The following PDE4D variants were observed in gnomAD, a reference collection of about 807,000 sequenced individuals.
PDE4D encodes phosphodiesterase 4D.
Under a neutral mutation model 87.4 loss-of-function variants are expected in PDE4D, and 24 were observed. The ratio of observed to expected loss-of-function variants is 0.27; its 90% CI spans 0.20 to 0.39. The LOEUF is 0.39. Ranked by LOEUF, PDE4D falls within the 10% of genes least tolerant of loss-of-function variation. The probability of loss-of-function intolerance (pLI) is 1.00; values close to 1 mark genes in which losing one functional copy is unlikely to be tolerated. For missense variants in PDE4D, 714 were observed against 1,041.0 expected, an observed-to-expected ratio of 0.69 and a Z score of 4.32; for synonymous variants, 384 against 383.2, an observed-to-expected ratio of 1.00 and a Z score of -0.02.
chr5:60,048,768 AC>A (rs1295760683), intron 2 of PDE4D, among the ~76,000 whole-genome samples: 1 of 151,968 alleles, frequency 6.6e-6, no homozygotes, highest in Non-Finnish European at 1.5e-5. Flanking sequence ...TTTGAGGGTA[AC>A]CCGACCTTTC....
At chr5:59,320,385 A>G (rs1774500776) in intron 1 of PDE4D, among the ~76,000 whole-genome samples, 1 of 152,096 alleles carries the variant, frequency 6.6e-6, no homozygotes, top group Admixed American at 6.6e-5. Flanking sequence ...AAGATATATA[A>G]TAACTATGTT....
At chr5:60,518,982 A>G (rs191110961) in intron 1 of PDE4D, among the ~76,000 whole-genome samples, 1 of 152,336 alleles carries the variant, frequency 6.6e-6, no homozygotes, top group African/African-American at 2.4e-5. Context: ...GCCCAGTGAA[A>G]TACCCATTCC....
intron 1 of PDE4D, among the ~76,000 whole-genome samples, chr5:59,334,121 T>C (rs1777215616): frequency 6.6e-6 from 1 of 152,040 alleles, no homozygotes; most frequent in Non-Finnish European, 1.5e-5. Context: ...CTCTGAGTGT[T>C]TTTAAATTTA....
chr5:59,432,025 G>A (rs1796181482), intron 1 of PDE4D, among the ~76,000 whole-genome samples: 1 of 151,800 alleles, frequency 6.6e-6, no homozygotes, highest in Admixed American at 6.6e-5. Context: ...TATATTTTAG[G>A]TTTCAATTAC....
intron 5 of PDE4D, among the ~76,000 whole-genome samples, chr5:59,134,305 C>T (rs7729776): frequency 0.01 from 1,564 of 151,304 alleles, 25 homozygotes; most frequent in African/African-American, 0.036. Context: ...GTAGTGGAAG[C>T]TCTTAAGACC....
intron 1 of PDE4D, among the ~76,000 whole-genome samples, chr5:59,472,490 C>T (rs1375235665): frequency 4.6e-5 from 7 of 152,170 alleles, no homozygotes; most frequent in African/African-American, 1.7e-4. Flanking sequence ...ACTTGCCTGG[C>T]AAGTAGCTTT....
chr5:60,052,028 C>A (rs566254946), intron 2 of PDE4D, among the ~76,000 whole-genome samples: 2 of 152,168 alleles, frequency 1.3e-5, no homozygotes, highest in South Asian at 4.1e-4. Flanking sequence ...ATACAAAGTT[C>A]TGAATTGAGG....
At chr5:59,476,187 C>G (rs1322059005) in intron 1 of PDE4D, among the ~76,000 whole-genome samples, 1 of 151,888 alleles carries the variant, frequency 6.6e-6, no homozygotes, top group Non-Finnish European at 1.5e-5. Context: ...GGAAAAGCAG[C>G]ACTCTCACCA....
At chr5:59,896,999 A>G (rs528581375), upstream of PDE4D, among the ~76,000 whole-genome samples, 13 of 152,284 alleles carry the variant, frequency 8.5e-5, no homozygotes, top group South Asian at 1.7e-3. Context: ...AGTTGACCAT[A>G]GATTTTGGAG....
intron 1 of PDE4D, among the ~76,000 whole-genome samples, chr5:60,498,039 G>A (rs576089341): frequency 3.0e-4 from 45 of 152,194 alleles, no homozygotes; most frequent in African/African-American, 9.4e-4. Context: ...TTGTTTAGCC[G>A]AAAAGAAACA....
chr5:59,049,440 G>A lies in PDE4D; in HGVS notation c.809-10469C>T, dbSNP rs373736218. Reference sequence around the variant, plus strand: ...TTCTCTTTTTTTAAAAGAGTATTAGGAACTAACATTGCCAAAATTTGGTAA... The same window carrying A: ...TTCTCTTTTTTTAAAAGAGTATTAGAAACTAACATTGCCAAAATTTGGTAA... On this transcript the variant is annotated intron_variant, in intron 5 of 14. Transcript: ENST00000340635. Among the ~76,000 whole-genome samples, 3 of 152,072 alleles carry A rather than the reference G, an allele frequency of 2.0e-5. No homozygotes were observed. The South Asian group carries it at 6.2e-4, about 32-fold the overall frequency.
intron 1 of PDE4D, among the ~76,000 whole-genome samples, chr5:60,505,175 AT>A (rs1235903178): frequency 2.0e-5 from 3 of 152,210 alleles, no homozygotes; most frequent in Admixed American, 2.0e-4. Context: ...TTTTCACAAT[AT>A]TTCCAAAGGT....
intron 2 of PDE4D, among the ~76,000 whole-genome samples, chr5:60,173,399 A>G (rs1472381395): frequency 3.3e-5 from 5 of 152,142 alleles, no homozygotes. Flanking sequence ...GCAATTCTAA[A>G]TTATTATTGT....
At chr5:59,642,154 G>C (rs1395911652) in intron 1 of PDE4D, among the ~76,000 whole-genome samples, 1 of 151,992 alleles carries the variant, frequency 6.6e-6, no homozygotes, top group East Asian at 1.9e-4. Flanking sequence ...ATAATCCACT[G>C]TGTTTTTCAG....
intron 1 of PDE4D, among the ~76,000 whole-genome samples, chr5:59,795,561 C>CTA (rs1018902830): frequency 1.3e-5 from 2 of 152,106 alleles, no homozygotes; most frequent in Admixed American, 6.6e-5. Context: ...TATGTTACTT[C>CTA]TATATATATA....
At chr5:59,620,574 G>A (rs1162284287) in intron 1 of PDE4D, among the ~76,000 whole-genome samples, 1 of 152,120 alleles carries the variant, frequency 6.6e-6, no homozygotes, top group African/African-American at 2.4e-5. Context: ...AAGATCAGTG[G>A]ATATAAGGAA....
At chr5:60,151,930 G>A (rs1781544855) in intron 2 of PDE4D, among the ~76,000 whole-genome samples, 1 of 152,124 alleles carries the variant, frequency 6.6e-6, no homozygotes, top group Admixed American at 6.5e-5. Context: ...TATACCTAAT[G>A]TATTTTAGAG....
intron 2 of PDE4D, among the ~76,000 whole-genome samples, chr5:60,147,394 A>G (rs887347941): frequency 7.2e-5 from 11 of 152,156 alleles, no homozygotes; most frequent in African/African-American, 2.7e-4. Flanking sequence ...TGCATTCATT[A>G]TTTACCAACA....
intron 1 of PDE4D, among the ~76,000 whole-genome samples, chr5:59,261,558 T>C (rs1335790539): frequency 1.3e-5 from 2 of 151,892 alleles, no homozygotes; most frequent in Non-Finnish European, 2.9e-5. Flanking sequence ...AGACAGATTT[T>C]GGCAATAAGT....
Sources: gnomAD v4.1 joint callset for allele counts (sites outside exome capture counted in the v4.1 genomes callset) on GRCh38, gnomAD v4.1.1 for gene constraint, MANE v1.5 for transcripts, NCBI Gene and HGNC (gene_info 2026-07-23, HGNC 2026-07-21) for gene names.